Variants in PTPRK observed in about 807,000 individuals in gnomAD.
The protein encoded by PTPRK is receptor-type tyrosine-protein phosphatase kappa.
A neutral mutation model predicts 178.0 loss-of-function variants in PTPRK; 75 were observed. The observed-to-expected ratio is 0.42, with a 90% CI of 0.35 to 0.51. The LOEUF is 0.51. Among genes scored for constraint, PTPRK ranks in the 20% least tolerant of loss-of-function variants. The probability of loss-of-function intolerance (pLI) is 0.02; values close to 1 mark genes in which losing one functional copy is unlikely to be tolerated. For synonymous variants in PTPRK, 637 were observed against 620.6 expected, an observed-to-expected ratio of 1.03 and a Z score of -0.39; for missense variants, 1,441 against 1,797.8, an observed-to-expected ratio of 0.80 and a Z score of 3.59.
At chr6:128,398,612 C>T (rs1840645220) in intron 1 of PTPRK, among the ~76,000 whole-genome samples, 1 of 152,172 alleles carries the variant, frequency 6.6e-6, no homozygotes, top group African/African-American at 2.4e-5. Context: ...TTTAAAAGAA[C>T]TCTTTGAAAT....
chr6:128,415,280 A>G (rs951197090), intron 1 of PTPRK, among the ~76,000 whole-genome samples: 14 of 152,198 alleles, frequency 9.2e-5, no homozygotes, highest in Admixed American at 4.6e-4. Context: ...AAAGAAAAAA[A>G]TGTTTTTCTC....
rs1430979742 is a variant in PTPRK at position 128,218,939 on chromosome 6, G to A, written c.851C>T (p.Ala284Val). The A allele has an allele frequency of 7.4e-6, 12 of 1,612,060 alleles. No homozygotes were observed. The highest frequency in any genetic ancestry group is 1.0e-5 in the Non-Finnish European group (12 of 1,178,966). ...SERGSGVSNFAQLIVREPPRP... is the reference protein window; with the variant it reads ...SERGSGVSNFVQLIVREPPRP... ...CACCTTACCTCTCACAATAAGTTGA[G>A]CAAAATTGGACACACCGGAACCTCG... Residue 284 changes from alanine to valine, a missense_variant, in exon 6 of 30, where the codon GCT (alanine) becomes GTT (valine). Physicochemically the swap from Ala to Val is moderately conservative, Grantham distance 64. This residue lies in a region of PTPRK where 945 missense variants were observed against 1,080.6 expected (regional missense o/e 0.87). Transcript: ENST00000368226.
intron 3 of PTPRK, among the ~76,000 whole-genome samples, chr6:128,284,707 T>C (rs1318022783): frequency 2.6e-5 from 4 of 152,228 alleles, no homozygotes; most frequent in Admixed American, 2.0e-4. Context: ...TTATAATTAA[T>C]GTTCATAATG....
chr6:128,168,764 G>T (rs1019685051), intron 7 of PTPRK, among the ~76,000 whole-genome samples: 9 of 151,918 alleles, frequency 5.9e-5, no homozygotes, highest in African/African-American at 2.2e-4. Flanking sequence ...CATGAAACTG[G>T]TCCCTGGTGC....
intron 3 of PTPRK, among the ~76,000 whole-genome samples, chr6:128,318,729 A>C (rs746790617): frequency 3.9e-5 from 6 of 152,218 alleles, no homozygotes; most frequent in Non-Finnish European, 7.4e-5. Flanking sequence ...AGCAGAACTT[A>C]GTTTTATGAA....
intron 13 of PTPRK, among the ~76,000 whole-genome samples, chr6:128,045,423 T>A (rs73774000): frequency 0.022 from 3,336 of 152,122 alleles, 110 homozygotes; most frequent in African/African-American, 0.077. Context: ...TGAAAATTAA[T>A]GTAAGATGTA....
At chr6:128,349,672 A>T (rs1832866441) in intron 2 of PTPRK, among the ~76,000 whole-genome samples, 1 of 152,150 alleles carries the variant, frequency 6.6e-6, no homozygotes, top group Non-Finnish European at 1.5e-5. Flanking sequence ...ATTGTGTCAT[A>T]GGCTTTATTT....
intron 3 of PTPRK, among the ~76,000 whole-genome samples, chr6:128,306,368 C>G (rs1826376917): frequency 6.6e-6 from 1 of 151,944 alleles, no homozygotes; most frequent in Non-Finnish European, 1.5e-5. Context: ...AACAAAAATG[C>G]AAGATAATTT....
intron 2 of PTPRK, among the ~76,000 whole-genome samples, chr6:128,328,940 A>T (rs1262510089): frequency 6.6e-6 from 1 of 152,124 alleles, no homozygotes; most frequent in Non-Finnish European, 1.5e-5. Context: ...TTCATCTTTC[A>T]ATCTGTTGTA....
At chr6:128,092,037 C>T (rs1243286446) in intron 7 of PTPRK, among the ~76,000 whole-genome samples, 2 of 152,098 alleles carry the variant, frequency 1.3e-5, no homozygotes, top group Non-Finnish European at 2.9e-5. Context: ...TCTTTAAATG[C>T]TGCTTACTTT....
chr6:128,165,126 C>T (rs1374599504), intron 7 of PTPRK, among the ~76,000 whole-genome samples: 3 of 150,444 alleles, frequency 2.0e-5, no homozygotes, highest in Admixed American at 1.3e-4. Flanking sequence ...TTTGGCCTAC[C>T]GCATTAAAAA....
At chr6:128,128,358 C>G (rs1419732911) in intron 7 of PTPRK, among the ~76,000 whole-genome samples, 1 of 152,118 alleles carries the variant, frequency 6.6e-6, no homozygotes, top group Non-Finnish European at 1.5e-5. Context: ...ACTGCTTATA[C>G]AAGCATAGGC....
intron 1 of PTPRK, among the ~76,000 whole-genome samples, chr6:128,401,559 A>G (rs1391082450): frequency 1.3e-5 from 2 of 152,204 alleles, no homozygotes; most frequent in East Asian, 3.9e-4. Flanking sequence ...AAGAAAAATG[A>G]AAAGTCGTAG....
intron 1 of PTPRK, among the ~76,000 whole-genome samples, chr6:128,431,215 A>T (rs1844799693): frequency 6.6e-6 from 1 of 151,966 alleles, no homozygotes; most frequent in Non-Finnish European, 1.5e-5. Context: ...TGGAATTACA[A>T]GCATGAGCCA....
chr6:128,019,194 C>T (rs1252406560), intron 13 of PTPRK, among the ~76,000 whole-genome samples: 3 of 152,120 alleles, frequency 2.0e-5, no homozygotes, highest in Non-Finnish European at 4.4e-5. Context: ...AGGAAAGTGG[C>T]TTTTTAATAG....
chr6:128,111,590 C>CAAAA (rs1254771127), intron 7 of PTPRK, among the ~76,000 whole-genome samples: 32 of 151,596 alleles, frequency 2.1e-4, no homozygotes, highest in Non-Finnish European at 3.1e-4. Context: ...TTTATGCTTA[C>CAAAA]TTAAAATGTA....
intron 6 of PTPRK, among the ~76,000 whole-genome samples, chr6:128,200,780 G>T (rs1351186650): frequency 2.7e-5 from 4 of 146,856 alleles, no homozygotes; most frequent in Non-Finnish European, 4.5e-5. Context: ...CAATGGAGTG[G>T]TCTGAAAAAG....
Position 128,014,168 on chromosome 6 carries a change from A to G in PTPRK, c.2195-4900T>C, listed in dbSNP as rs9388613. Among the ~76,000 whole-genome samples the G allele has an allele frequency of 0.014, 2,183 of 151,710 alleles. 207 individuals carry two copies. In the East Asian group the frequency reaches 0.27, roughly 19 times the overall value. ...AACACAAGGATGTCTCTGATCAGAC[A>G]TATCTCTTACTGTTGTGGACATTAA... On this transcript the variant is annotated intron_variant, in intron 13 of 29. Coordinates refer to ENST00000368226, the MANE Select transcript of PTPRK (RefSeq NM_002844.4).
At chr6:128,288,138 C>A (rs1224062067) in intron 3 of PTPRK, among the ~76,000 whole-genome samples, 1 of 152,160 alleles carries the variant, frequency 6.6e-6, no homozygotes, top group Admixed American at 6.6e-5. Context: ...CTTCTTGACA[C>A]TTGACTACAC....
Sources: allele counts gnomAD v4.1 joint callset (sites outside exome capture counted in the v4.1 genomes callset), GRCh38; gene constraint gnomAD v4.1.1; regional missense constraint gnomAD v4.1.1; transcripts MANE v1.5; gene names NCBI Gene and HGNC (gene_info 2026-07-23, HGNC 2026-07-21).